Variants in MED14 observed in about 807,000 individuals in gnomAD.
MED14 encodes the protein mediator complex subunit 14.
Under a neutral mutation model 109.0 loss-of-function variants are expected in MED14, and 8 were observed. That is an observed-to-expected ratio of 0.07 (90% CI 0.04 to 0.13). MED14 has a LOEUF of 0.13. Ranked by LOEUF, MED14 falls within the 10% of genes least tolerant of loss-of-function variation. The probability of loss-of-function intolerance (pLI) is 1.00; values close to 1 mark genes in which losing one functional copy is unlikely to be tolerated. For synonymous variants in MED14, 399 were observed against 408.7 expected, an observed-to-expected ratio of 0.98 and a Z score of 0.29; for missense variants, 711 against 1,142.4, an observed-to-expected ratio of 0.62 and a Z score of 5.44.
At chrX:40,686,565 AG>A (rs1478286933) in intron 16 of MED14, among the ~76,000 whole-genome samples, 3 of 111,753 alleles carry the variant, frequency 2.7e-5, no homozygotes, top group African/African-American at 9.8e-5. Flanking sequence ...AGCCAGGAAG[AG>A]GAACTATTCT....
chrX:40,710,857 G>T (rs1292432422), intron 8 of MED14, among the ~76,000 whole-genome samples: 10 of 111,830 alleles, frequency 8.9e-5, no homozygotes, highest in Non-Finnish European at 1.9e-4. Flanking sequence ...CATAGCTATT[G>T]GTATACAGTC....
chrX:40,658,149 G>A lies in MED14; in HGVS notation c.3972+1078C>T, dbSNP rs182724707. On this transcript the variant is annotated intron_variant, in intron 28 of 30. Coordinates refer to ENST00000324817, the MANE Select transcript of MED14 (RefSeq NM_004229.4). ...TCCATCACCCAAGCTGGAGTGCAGT[G>A]GCATGATCTCGGCTCACTGCAACCT... is the stretch of plus-strand genomic sequence containing the variant. Among the ~76,000 whole-genome samples the A allele has an allele frequency of 8.3e-3, 906 of 108,759 alleles. 7 individuals carry two copies. The highest frequency in any genetic ancestry group is 0.029 in the African/African-American group (846 of 29,611). The allele number at this position is 108,759 out of a possible 115,157, so 94.4% of individuals were successfully genotyped here. A position where few individuals can be genotyped will look rare whatever the true frequency, so the allele number is the denominator to read the frequency against.
chrX:40,656,861 A>G (rs1929071181), intron 28 of MED14, among the ~76,000 whole-genome samples: 1 of 112,394 alleles, frequency 8.9e-6, no homozygotes. Flanking sequence ...CACAAACACT[A>G]AAAATACTGG....
intron 25 of MED14, 83 bp from the exon 26 acceptor site, chrX:40,663,243 T>A: frequency 1.3e-6 from 1 of 748,447 alleles, no homozygotes; most frequent in Non-Finnish European, 2.0e-6. Flanking sequence ...CATAAATCTT[T>A]GATGTTCTAA....
At chrX:40,693,892 G>A (rs1376318618) in intron 13 of MED14, among the ~76,000 whole-genome samples, 1 of 110,777 alleles carries the variant, frequency 9.0e-6, no homozygotes, top group African/African-American at 3.3e-5. Context: ...TAATAACCCT[G>A]TGAAGTAGGT....
At position 40,648,907 on chromosome X, in the gene MED14, C is replaced by T. The variant is rs758212273; in HGVS notation, c.*2899G>A. ...CACATCCTTAGACACACTGTCCATT[C>T]TCAAACCGAATGAAAAAAAAATTCC... is the stretch of plus-strand genomic sequence containing the variant. On this transcript the variant is annotated 3_prime_UTR_variant, in exon 31 of 31. Transcript: ENST00000324817. 3.0e-3 allele frequency: 331 copies of T among 111,794 alleles called. 1 individual carries two copies. The highest frequency in any genetic ancestry group is 4.9e-3 in the Non-Finnish European group (260 of 53,098). The allele number at this position is 111,794 out of a possible 1,213,427, so 9.2% of individuals were successfully genotyped here.
chrX:40,723,667 G>GGAA (rs1931801568), intron 3 of MED14, among the ~76,000 whole-genome samples: 1 of 17,997 alleles, frequency 5.6e-5, no homozygotes, highest in African/African-American at 2.6e-4. Context: ...CTCCGTCTCA[G>GGAA]AAAAAAAAAA....
chrX:40,683,908 T>C lies in MED14; in HGVS notation c.2058-912A>G, dbSNP rs141616285. On this transcript the variant is annotated intron_variant, in intron 16 of 30. Transcript: ENST00000324817. ...AATACCTACCTATCCATTTTCCTTC[T>C]ACCGTTTTACAAACTATCTCATTGG... Among the ~76,000 whole-genome samples, 6 of 112,187 alleles carry C rather than the reference T, an allele frequency of 5.3e-5. No individual in the cohort carries two copies. In the East Asian group the frequency reaches 1.7e-3, roughly 31 times the overall value.
intron 13 of MED14, among the ~76,000 whole-genome samples, chrX:40,694,677 T>C (rs947950007): frequency 8.9e-6 from 1 of 112,161 alleles, no homozygotes; most frequent in Non-Finnish European, 1.9e-5. Flanking sequence ...GAATGGTTAA[T>C]ATTTTTAAAA....
intron 13 of MED14, among the ~76,000 whole-genome samples, chrX:40,696,729 C>T (rs781713306): frequency 3.6e-5 from 4 of 111,777 alleles, no homozygotes; most frequent in East Asian, 5.6e-4. Context: ...ATCAAAACAT[C>T]GCCAGACCTT....
intron 15 of MED14, among the ~76,000 whole-genome samples, chrX:40,691,629 G>A (rs1279024528): frequency 3.5e-4 from 1 of 2,853 alleles, no homozygotes; most frequent in Non-Finnish European, 1.0e-3. Context: ...TTTTTTTTTT[G>A]GAGACAGAGT....
chrX:40,691,547 A>C (rs894933008), intron 15 of MED14, among the ~76,000 whole-genome samples: 10 of 109,205 alleles, frequency 9.2e-5, no homozygotes, highest in Non-Finnish European at 1.7e-4. Context: ...TTGGCCTCCC[A>C]AAGTGCTGGG....
intron 26 of MED14, among the ~76,000 whole-genome samples, chrX:40,661,838 G>A (rs376054751): frequency 4.0e-4 from 44 of 110,263 alleles, no homozygotes; most frequent in Non-Finnish European, 7.4e-4. Flanking sequence ...TTTTTTCTAC[G>A]AGAGTTTTTA....
Position 40,729,299 on chromosome X carries a change from T to A in MED14, c.242+20A>T, listed in dbSNP as rs183375079. 1.8e-6 allele frequency: 2 copies of A among 1,102,003 alleles called. No individual in the cohort carries two copies. The highest frequency in any genetic ancestry group is 2.4e-6 in the Non-Finnish European group (2 of 825,963). The allele number at this position is 1,102,003 out of a possible 1,213,427, so 90.8% of individuals were successfully genotyped here. A position where few individuals can be genotyped will look rare whatever the true frequency, so the allele number is the denominator to read the frequency against. ...TTGATCAATAAAGAGACTTTAAGGG[T>A]TTTTTTTTTCCATACTCACCTTTCC... On this transcript the variant is annotated intron_variant, in intron 2 of 30. Coordinates refer to ENST00000324817, the MANE Select transcript of MED14 (RefSeq NM_004229.4).
intron 3 of MED14, among the ~76,000 whole-genome samples, chrX:40,720,188 A>T (rs759459294): frequency 1.8e-5 from 2 of 112,627 alleles, no homozygotes; most frequent in South Asian, 7.3e-4. Context: ...TACTATCTGC[A>T]CACAGAAAAG....
chrX:40,678,109 G>A (rs1201266803), intron 21 of MED14, among the ~76,000 whole-genome samples: 1 of 110,059 alleles, frequency 9.1e-6, no homozygotes, highest in African/African-American at 3.3e-5. Flanking sequence ...AAAACAAGGC[G>A]CCCACCACAC....
At chrX:40,734,315 T>C (rs1209201416) in intron 1 of MED14, among the ~76,000 whole-genome samples, 1 of 112,084 alleles carries the variant, frequency 8.9e-6, no homozygotes, top group Non-Finnish European at 1.9e-5. Flanking sequence ...TTTACAGGAG[T>C]TAAGTAGAGC....
At chrX:40,692,601 G>T in intron 14 of MED14, 107 bp downstream of exon 14, 1 of 770,020 alleles carries the variant, frequency 1.3e-6, no homozygotes, top group Non-Finnish European at 1.9e-6. Context: ...TTGCTGCCTC[G>T]TCTCTTAAAA....
At chrX:40,664,854 C>T (rs1381762353) in intron 24 of MED14, among the ~76,000 whole-genome samples, 1 of 111,141 alleles carries the variant, frequency 9.0e-6, no homozygotes, top group Non-Finnish European at 1.9e-5. Context: ...CTTTGACAAA[C>T]CATATTTTCA....
Sources: gnomAD v4.1 joint callset for allele counts (sites outside exome capture counted in the v4.1 genomes callset) on GRCh38, gnomAD v4.1.1 for gene constraint, MANE v1.5 for transcripts, NCBI Gene and HGNC (gene_info 2026-07-23, HGNC 2026-07-21) for gene names.